Variants in PTBP3 observed in about 807,000 individuals in gnomAD.
PTBP3 encodes polypyrimidine tract-binding protein 3.
PTBP3 carries 20 observed loss-of-function variants against 58.7 expected under a neutral mutation model. That is an observed-to-expected ratio of 0.34 (90% CI 0.24 to 0.50). The LOEUF is 0.50. Ranked by LOEUF, PTBP3 falls within the 20% of genes least tolerant of loss-of-function variation. The pLI is 0.98. For synonymous variants in PTBP3, 185 were observed against 219.8 expected, an observed-to-expected ratio of 0.84 and a Z score of 1.40; for missense variants, 509 against 637.2, an observed-to-expected ratio of 0.80 and a Z score of 2.17.
chr9:112,273,358 A>G (rs896038058), intron 3 of PTBP3, among the ~76,000 whole-genome samples: 14 of 152,254 alleles, frequency 9.2e-5, no homozygotes. Context: ...GATAAAAATG[A>G]TCAAGGTAGG....
In PTBP3 at chr9:112,231,421, G is replaced by C. The variant is rs774975925; in HGVS notation, c.1021-8C>G. On this transcript the variant is annotated splice_region_variant and splice_polypyrimidine_tract_variant and intron_variant, in intron 9 of 13. Coordinates refer to ENST00000374257, the MANE Select transcript of PTBP3 (RefSeq NM_001163788.4). ...CCCATGTGGTGTGATAAGCTGTAAA[G>C]GGTAACACAAAGTTAAGTGTCTGAC... The C allele has an allele frequency of 1.0e-5, 16 of 1,581,916 alleles. No individual in the cohort carries two copies. Among genetic ancestry groups the C allele is most frequent in the Non-Finnish European group, 1.4e-5 (16 of 1,163,140 alleles).
At chr9:112,337,319 C>A (rs190713837), upstream of PTBP3, among the ~76,000 whole-genome samples, 1 of 152,146 alleles carries the variant, frequency 6.6e-6, no homozygotes, top group Non-Finnish European at 1.5e-5. Flanking sequence ...CGTGAGCCAC[C>A]GTGCCTGGCC....
the PTBP3 span, among the ~76,000 whole-genome samples, chr9:112,371,593 T>A: frequency 6.6e-6 from 1 of 151,712 alleles, no homozygotes; most frequent in South Asian, 2.1e-4. Context: ...AATTCATAGA[T>A]CGGTTCTGCT....
At chr9:112,319,865 T>C (rs1279876753) in intron 1 of PTBP3, among the ~76,000 whole-genome samples, 1 of 152,188 alleles carries the variant, frequency 6.6e-6, no homozygotes, top group Non-Finnish European at 1.5e-5. Context: ...GGAAATCCTG[T>C]CATGAGACAA....
intron 11 of PTBP3, 134 bp from the exon 12 acceptor site, chr9:112,227,761 T>C (rs754603770): frequency 3.4e-5 from 23 of 676,914 alleles, no homozygotes; most frequent in Non-Finnish European, 5.7e-5. Flanking sequence ...GAAAAGGGTT[T>C]CAAAATCCAA....
rs1407250570 is a variant in PTBP3, at chr9:112,333,071, G to GCGCCGC, written c.-52+393_-52+398dup. ...CCCGGCAGGAGGACGCCCGCCCCGC[G>GCGCCGC]CGCCGCCTCCGCCTCCCCCAGCGCC... On this transcript the variant is annotated intron_variant, in intron 1 of 13. Coordinates refer to ENST00000374257, the MANE Select transcript of PTBP3 (RefSeq NM_001163788.4). 5 of 1,267,640 alleles carry GCGCCGC rather than the reference G, an allele frequency of 3.9e-6. No individual in the cohort carries two copies. The Admixed American group carries it at 1.3e-4, about 32-fold the overall frequency. The allele number at this position is 1,267,640 out of a possible 1,614,324, so 78.5% of individuals were successfully genotyped here. A position where few individuals can be genotyped will look rare whatever the true frequency, so the allele number is the denominator to read the frequency against.
rs753121355 is a variant in PTBP3 at position 112,220,814 on chromosome 9, T to C, written c.*3037A>G. ...CTGCTATTTTTTAAAGTCCTGAATA[T>C]ATATACTTTGTGTAGAAGTCAAGAC... On this transcript the variant is annotated 3_prime_UTR_variant, in exon 14 of 14. Coordinates refer to ENST00000374257, the MANE Select transcript of PTBP3 (RefSeq NM_001163788.4). The C allele has an allele frequency of 2.3e-5, 22 of 975,870 alleles. No individual in the cohort carries two copies. The highest frequency in any genetic ancestry group is 2.6e-5 in the Non-Finnish European group (21 of 821,334). The allele number at this position is 975,870 out of a possible 1,614,324, so 60.5% of individuals were successfully genotyped here.
At chr9:112,254,283 G>A (rs555764442) in intron 5 of PTBP3, among the ~76,000 whole-genome samples, 168 of 152,196 alleles carry the variant, frequency 1.1e-3, no homozygotes, top group African/African-American at 4.0e-3. Context: ...ACCATACCTG[G>A]CCCTGCTTTT....
chr9:112,223,664 C>A lies in PTBP3; in HGVS notation c.*187G>T. ...AACCATGGTAAAAAGGGAAAAGAAA[C>A]CTTTGACTGGCGGGGGCAGGGGGAA... On this transcript the variant is annotated 3_prime_UTR_variant, in exon 14 of 14. Coordinates refer to ENST00000374257, the MANE Select transcript of PTBP3 (RefSeq NM_001163788.4). The A allele has an allele frequency of 2.3e-6, 3 of 1,285,904 alleles. No individual in the cohort carries two copies. The highest frequency in any genetic ancestry group is 4.7e-5 in the South Asian group (2 of 42,598). 79.7% of individuals were successfully genotyped at this position (1,285,904 alleles called of 1,614,324 possible).
At chr9:112,358,213 G>A in the PTBP3 span, among the ~76,000 whole-genome samples, 1 of 152,136 alleles carries the variant, frequency 6.6e-6, no homozygotes, top group Non-Finnish European at 1.5e-5. Flanking sequence ...AGGAGGCTGA[G>A]GCAGGAGAAT....
chr9:112,267,509 T>C (rs1827147466), intron 4 of PTBP3, among the ~76,000 whole-genome samples: 1 of 152,182 alleles, frequency 6.6e-6, no homozygotes, highest in African/African-American at 2.4e-5. Flanking sequence ...TAACTTCAAA[T>C]TATTATACTA....
At chr9:112,290,688 AT>A (rs67160824) in intron 2 of PTBP3, among the ~76,000 whole-genome samples, 9,777 of 98,548 alleles carry the variant, frequency 0.099, 710 homozygotes, top group African/African-American at 0.11. Flanking sequence ...AAAAAAAAAA[AT>A]ATATATATAT....
rs896651565 is a variant in PTBP3 at position 112,219,929 on chromosome 9, C to A, written c.*3922G>T. 2.5e-5 allele frequency: 9 copies of A among 362,094 alleles called. No individual in the cohort carries two copies. Among genetic ancestry groups the A allele is most frequent in the Non-Finnish European group, 3.3e-5 (8 of 246,124 alleles). 22.4% of individuals were successfully genotyped at this position (362,094 alleles called of 1,614,324 possible). On this transcript the variant is annotated 3_prime_UTR_variant, in exon 14 of 14. Coordinates refer to ENST00000374257, the MANE Select transcript of PTBP3 (RefSeq NM_001163788.4). Reference sequence around the variant, plus strand: ...GCTAATAGTCTTGTAGATAACAACACAACTCTTTTAAAAGACAGCTGAGTT... The same window carrying A: ...GCTAATAGTCTTGTAGATAACAACAAAACTCTTTTAAAAGACAGCTGAGTT...
At chr9:112,365,618 T>C in the PTBP3 span, among the ~76,000 whole-genome samples, 1 of 152,140 alleles carries the variant, frequency 6.6e-6, no homozygotes, top group Admixed American at 6.6e-5. Context: ...TACAGTAAAT[T>C]AGTACCAGTG....
chr9:112,240,688 A>C (rs1217127592), intron 7 of PTBP3, among the ~76,000 whole-genome samples: 1 of 151,806 alleles, frequency 6.6e-6, no homozygotes, highest in African/African-American at 2.4e-5. Flanking sequence ...AACAGCTTCA[A>C]GCAGGTCCTT....
At chr9:112,345,929 A>G in the PTBP3 span, among the ~76,000 whole-genome samples, 1 of 150,688 alleles carries the variant, frequency 6.6e-6, no homozygotes, top group Non-Finnish European at 1.5e-5. Flanking sequence ...ATCTCGGCTC[A>G]CTGTAACCTC....
chr9:112,231,349 G>A, intron 10 of PTBP3, 31 bp downstream of exon 10: 2 of 1,541,192 alleles, frequency 1.3e-6, no homozygotes, highest in East Asian at 2.3e-5. Context: ...CACACCTGTA[G>A]ACAATAATAA....
rs918258536 is a variant in PTBP3 at position 112,222,970 on chromosome 9, T to C, written c.*881A>G. On this transcript the variant is annotated 3_prime_UTR_variant, in exon 14 of 14. Transcript: ENST00000374257. ...GACCTGAATATTTTCCTTAAGACTG[T>C]AAACTTTTTTTCTGAAAACAATTAT... is the stretch of plus-strand genomic sequence containing the variant. 5 of 853,248 alleles carry C rather than the reference T, an allele frequency of 5.9e-6. No homozygotes were observed. Among genetic ancestry groups the C allele is most frequent in the Non-Finnish European group, 5.6e-6 (4 of 709,396 alleles). The allele number at this position is 853,248 out of a possible 1,614,324, so 52.9% of individuals were successfully genotyped here.
At chr9:112,270,829 G>A (rs1186440082) in intron 3 of PTBP3, among the ~76,000 whole-genome samples, 1 of 152,082 alleles carries the variant, frequency 6.6e-6, no homozygotes, top group East Asian at 1.9e-4. Context: ...GTATTTGTTT[G>A]TTTTTTGAGT....
Sources: allele counts gnomAD v4.1 joint callset (sites outside exome capture counted in the v4.1 genomes callset), GRCh38; gene constraint gnomAD v4.1.1; transcripts MANE v1.5; gene names NCBI Gene and HGNC (gene_info 2026-07-23, HGNC 2026-07-21).